ANO4: variants seen among roughly 807,000 people sequenced by gnomAD.
ANO4 encodes the protein anoctamin 4.
In ANO4, 69 loss-of-function variants were observed where a neutral mutation model predicts 141.9. That is an observed-to-expected ratio of 0.49 (90% CI 0.40 to 0.59). The LOEUF is 0.59. ANO4 is among the 20% of genes least tolerant of loss of function. The probability of loss-of-function intolerance (pLI) is 0.00; values close to 1 mark genes in which losing one functional copy is unlikely to be tolerated. For missense variants in ANO4, 894 were observed against 1,162.2 expected (o/e 0.77, Z 3.36); for synonymous variants, 350 against 394.3 (o/e 0.89, Z 1.33).
At chr12:100,962,749 G>T (rs1010635065) in intron 5 of ANO4, among the ~76,000 whole-genome samples, 3 of 152,150 alleles carry the variant, frequency 2.0e-5, no homozygotes, top group Admixed American at 2.0e-4. Context: ...TCTTCAAAGC[G>T]AGCAGGAGAA....
At chr12:101,076,588 C>T (rs1282549632) in intron 14 of ANO4, among the ~76,000 whole-genome samples, 1 of 152,108 alleles carries the variant, frequency 6.6e-6, no homozygotes, top group East Asian at 1.9e-4. Flanking sequence ...GAAGTCAGTT[C>T]CCTCAGATGA....
intron 3 of ANO4, among the ~76,000 whole-genome samples, chr12:100,752,850 A>G (rs1336916888): frequency 6.6e-6 from 1 of 152,180 alleles, no homozygotes; most frequent in Non-Finnish European, 1.5e-5. Flanking sequence ...CTGAATAACA[A>G]ACAACCCCAA....
At chr12:100,758,171 C>T (rs747070814) in intron 3 of ANO4, among the ~76,000 whole-genome samples, 1 of 152,166 alleles carries the variant, frequency 6.6e-6, no homozygotes, top group Non-Finnish European at 1.5e-5. Flanking sequence ...TTGCACTGCT[C>T]ATGGAAAGAT....
intron 5 of ANO4, among the ~76,000 whole-genome samples, chr12:100,961,955 G>A (rs2043443987): frequency 6.6e-6 from 1 of 152,156 alleles, no homozygotes; most frequent in Non-Finnish European, 1.5e-5. Flanking sequence ...AAGTCTTCCA[G>A]ACTTGACATG....
chr12:101,111,845 A>T, intron 24 of ANO4, 135 bp downstream of exon 24: 1 of 630,018 alleles, frequency 1.6e-6, no homozygotes, highest in Non-Finnish European at 2.4e-6. Context: ...GGGGAGGTGG[A>T]ATTATGATTT....
chr12:100,885,856 A>G (rs1219118493), intron 1 of ANO4, among the ~76,000 whole-genome samples: 2 of 152,150 alleles, frequency 1.3e-5, no homozygotes, highest in Non-Finnish European at 2.9e-5. Flanking sequence ...CTCCAGCTGG[A>G]CGCATTTCCA....
At chr12:100,824,003 A>G (rs1336776930) in intron 1 of ANO4, among the ~76,000 whole-genome samples, 1 of 151,806 alleles carries the variant, frequency 6.6e-6, no homozygotes, top group Non-Finnish European at 1.5e-5. Flanking sequence ...AAAAAGTGCC[A>G]TTAAAAGATA....
intron 2 of ANO4, among the ~76,000 whole-genome samples, chr12:100,903,678 G>A (rs1353034007): frequency 6.6e-6 from 1 of 152,178 alleles, no homozygotes; most frequent in Non-Finnish European, 1.5e-5. Context: ...CATAGGTCAG[G>A]CTATCTGCAA....
chr12:101,001,712 C>T (rs1269017485), intron 8 of ANO4, among the ~76,000 whole-genome samples: 1 of 152,074 alleles, frequency 6.6e-6, no homozygotes, highest in African/African-American at 2.4e-5. Context: ...CTGAGTTGCA[C>T]AGTTGGTCAA....
At chr12:100,924,319 G>A (rs532029362) in intron 3 of ANO4, among the ~76,000 whole-genome samples, 1 of 152,162 alleles carries the variant, frequency 6.6e-6, no homozygotes, top group South Asian at 2.1e-4. Flanking sequence ...TTATGAGATA[G>A]TTATTACCTC....
intron 9 of ANO4, among the ~76,000 whole-genome samples, chr12:101,035,891 C>A (rs1461745387): frequency 6.6e-6 from 1 of 152,082 alleles, no homozygotes; most frequent in African/African-American, 2.4e-5. Context: ...TGGAAAACTA[C>A]CTGTCAGTAC....
At chr12:100,942,325 G>A in intron 4 of ANO4, 52 bp from the exon 5 acceptor site, 1 of 1,575,202 alleles carries the variant, frequency 6.3e-7, no homozygotes, top group South Asian at 1.2e-5. Context: ...TTACTCACTT[G>A]AACCTCAATT....
chr12:100,980,463 C>T (rs763748428), intron 7 of ANO4, among the ~76,000 whole-genome samples: 1 of 152,176 alleles, frequency 6.6e-6, no homozygotes, highest in Non-Finnish European at 1.5e-5. Context: ...ACATATACAA[C>T]TTGCCATCTA....
intron 24 of ANO4, among the ~76,000 whole-genome samples, chr12:101,112,639 C>T (rs940132318): frequency 2.6e-5 from 4 of 152,298 alleles, no homozygotes; most frequent in African/African-American, 7.2e-5. Context: ...GATTCATCCT[C>T]TACAGCCATT....
chr12:101,081,108 G>T (rs2049260299), intron 15 of ANO4, among the ~76,000 whole-genome samples: 1 of 151,156 alleles, frequency 6.6e-6, no homozygotes, highest in East Asian at 1.9e-4. Context: ...TCTATTGGTA[G>T]CAGCCGGACT....
chr12:100,955,049 C>T (rs2043125858), intron 5 of ANO4, among the ~76,000 whole-genome samples: 1 of 152,216 alleles, frequency 6.6e-6, no homozygotes, highest in African/African-American at 2.4e-5. Flanking sequence ...TGTCCAGCCC[C>T]TGCAGTGAGA....
intron 1 of ANO4, among the ~76,000 whole-genome samples, chr12:100,873,832 CTCAAAGGCA>C (rs1289198006): frequency 1.3e-5 from 2 of 152,174 alleles, no homozygotes; most frequent in Admixed American, 1.3e-4. Flanking sequence ...GGGAAAATGC[CTCAAAGGCA>C]TTTCAGAGCA....
At chr12:100,756,628 A>C (rs570869621) in intron 3 of ANO4, among the ~76,000 whole-genome samples, 3 of 152,072 alleles carry the variant, frequency 2.0e-5, no homozygotes, top group Admixed American at 1.3e-4. Flanking sequence ...GATTACAGGC[A>C]TGAGCCACTG....
At chr12:100,777,188 G>A (rs1049608235) in intron 3 of ANO4, among the ~76,000 whole-genome samples, 3 of 148,726 alleles carry the variant, frequency 2.0e-5, no homozygotes. Flanking sequence ...AGCCTCCTGG[G>A]TTCAAGCAAT....
Sources: allele counts gnomAD v4.1 joint callset (sites outside exome capture counted in the v4.1 genomes callset), GRCh38; gene constraint gnomAD v4.1.1; transcripts MANE v1.5; gene names NCBI Gene and HGNC (gene_info 2026-07-23, HGNC 2026-07-21).